The following PLCXD3 variants were observed in gnomAD, a reference collection of about 807,000 sequenced individuals.
The protein encoded by PLCXD3 is PI-PLC X domain-containing protein 3.
In PLCXD3, 19 loss-of-function variants were observed where a neutral mutation model predicts 25.5. The observed-to-expected ratio is 0.75, with a 90% CI of 0.52 to 1.09. The LOEUF (loss-of-function observed/expected upper bound fraction) is 1.09, where lower values mean the gene tolerates loss of function less well. Among genes scored for constraint, PLCXD3 ranks in the 50% least tolerant of loss-of-function variants. The pLI, the probability that PLCXD3 is intolerant of heterozygous loss-of-function variation, is 0.00. For missense variants in PLCXD3, 411 were observed against 388.1 expected, an observed-to-expected ratio of 1.06 and a Z score of -0.50; for synonymous variants, 174 against 137.6, an observed-to-expected ratio of 1.26 and a Z score of -1.85.
intron 1 of PLCXD3, among the ~76,000 whole-genome samples, chr5:41,392,756 G>A (rs929160460): frequency 2.3e-5 from 3 of 128,058 alleles, no homozygotes; most frequent in Admixed American, 8.0e-5. Context: ...GAGATATGTG[G>A]CCTTTCAGAT....
chr5:41,491,299 T>C (rs1414338591), intron 1 of PLCXD3, among the ~76,000 whole-genome samples: 7 of 152,178 alleles, frequency 4.6e-5, no homozygotes, highest in Non-Finnish European at 2.9e-5. Flanking sequence ...GTCTGAGAGA[T>C]AGTTTGTTAT....
intron 2 of PLCXD3, among the ~76,000 whole-genome samples, chr5:41,334,002 G>A (rs1210046777): frequency 6.6e-6 from 1 of 152,026 alleles, no homozygotes; most frequent in African/African-American, 2.4e-5. Flanking sequence ...TATTTATAAA[G>A]CAACCCTTAT....
intron 1 of PLCXD3, among the ~76,000 whole-genome samples, chr5:41,422,495 T>A (rs1205365211): frequency 1.3e-5 from 2 of 151,978 alleles, no homozygotes; most frequent in Non-Finnish European, 2.9e-5. Context: ...AATCTTGGAG[T>A]TTCATTCTTT....
intron 1 of PLCXD3, among the ~76,000 whole-genome samples, chr5:41,462,132 A>G (rs1257433110): frequency 1.3e-5 from 2 of 152,028 alleles, no homozygotes; most frequent in African/African-American, 2.4e-5. Context: ...TGCCATATTC[A>G]GGAAAGCCTA....
At chr5:41,324,721 G>T (rs1743573660) in intron 2 of PLCXD3, among the ~76,000 whole-genome samples, 1 of 152,218 alleles carries the variant, frequency 6.6e-6, no homozygotes, top group Non-Finnish European at 1.5e-5. Flanking sequence ...AACAGATGAA[G>T]TGGCTCTGCT....
intron 1 of PLCXD3, among the ~76,000 whole-genome samples, chr5:41,457,474 T>C (rs1170445614): frequency 1.3e-5 from 2 of 151,856 alleles, no homozygotes; most frequent in Admixed American, 6.6e-5. Flanking sequence ...TCTCAGATGA[T>C]TGGAACCCAG....
chr5:41,362,355 G>A (rs1744808994), intron 2 of PLCXD3, among the ~76,000 whole-genome samples: 1 of 152,174 alleles, frequency 6.6e-6, no homozygotes, highest in Non-Finnish European at 1.5e-5. Context: ...ACTGACACAT[G>A]TTTGAATCCT....
At chr5:41,416,743 G>T (rs1440154927) in intron 1 of PLCXD3, among the ~76,000 whole-genome samples, 1 of 152,204 alleles carries the variant, frequency 6.6e-6, no homozygotes, top group Non-Finnish European at 1.5e-5. Flanking sequence ...GAACATTCAA[G>T]AACCATCATA....
chr5:41,313,913 G>T (rs1222425782), intron 2 of PLCXD3, 143 bp from the exon 3 acceptor site: 2 of 920,714 alleles, frequency 2.2e-6, no homozygotes, highest in East Asian at 2.8e-5. Flanking sequence ...AGGCCAAATG[G>T]ACTCTGGGGA....
chr5:41,505,709 A>G (rs1749040269), intron 1 of PLCXD3, among the ~76,000 whole-genome samples: 1 of 152,222 alleles, frequency 6.6e-6, no homozygotes, highest in Non-Finnish European at 1.5e-5. Context: ...GACTTTAAGG[A>G]AATGAGGGGA....
intron 1 of PLCXD3, among the ~76,000 whole-genome samples, chr5:41,493,804 G>T (rs1283257197): frequency 6.6e-6 from 1 of 152,190 alleles, no homozygotes; most frequent in Non-Finnish European, 1.5e-5. Flanking sequence ...GCAGTATTGG[G>T]GTGGGAGTGA....
chr5:41,330,501 G>A (rs549410027), intron 2 of PLCXD3, among the ~76,000 whole-genome samples: 18,609 of 151,970 alleles, frequency 0.12, 1,229 homozygotes, highest in Non-Finnish European at 0.13. Flanking sequence ...ATTCACAGCC[G>A]AATTCTACCA....
intron 2 of PLCXD3, among the ~76,000 whole-genome samples, chr5:41,345,683 TACACACACACACACAC>T (rs57657516): frequency 6.8e-6 from 1 of 146,034 alleles, no homozygotes; most frequent in East Asian, 2.0e-4. Flanking sequence ...TACATATGTG[TACACACACACACACAC>T]ACACACACAC....
intron 1 of PLCXD3, among the ~76,000 whole-genome samples, chr5:41,502,275 G>T (rs184763714): frequency 1.3e-5 from 2 of 152,226 alleles, no homozygotes; most frequent in East Asian, 1.9e-4. Flanking sequence ...AACTGAGGAA[G>T]ATCTTGTCTG....
At chr5:41,490,070 T>C (rs1748621197) in intron 1 of PLCXD3, among the ~76,000 whole-genome samples, 1 of 152,086 alleles carries the variant, frequency 6.6e-6, no homozygotes, top group Admixed American at 6.5e-5. Flanking sequence ...TGGCTGTGGG[T>C]TTGTCATAGA....
intron 1 of PLCXD3, among the ~76,000 whole-genome samples, chr5:41,390,504 T>G (rs1309246059): frequency 6.6e-6 from 1 of 152,200 alleles, no homozygotes; most frequent in East Asian, 1.9e-4. Context: ...CTCCACATGG[T>G]ACCAATGCTT....
Position 41,325,652 on chromosome 5 carries a change from C to T in PLCXD3, c.813-11882G>A, listed in dbSNP as rs546206016. Among the ~76,000 whole-genome samples the T allele has an allele frequency of 2.6e-5, 4 of 152,216 alleles. No individual in the cohort carries two copies. The East Asian group carries it at 7.7e-4, about 29-fold the overall frequency. On this transcript the variant is annotated intron_variant, in intron 2 of 2. Coordinates refer to ENST00000377801, the MANE Select transcript of PLCXD3 (RefSeq NM_001005473.3). ...ATGTATGATGTACAGCTAATTAGGA[C>T]ATTGCTGGTTATACTTGGTGTTGGA... is the stretch of plus-strand genomic sequence containing the variant.
chr5:41,329,525 C>T (rs908933510), intron 2 of PLCXD3, among the ~76,000 whole-genome samples: 2 of 152,146 alleles, frequency 1.3e-5, no homozygotes, highest in African/African-American at 4.8e-5. Flanking sequence ...ACTCAGTATT[C>T]CTCATGTGGC....
chr5:41,456,548 C>T lies in PLCXD3; in HGVS notation c.103+53876G>A, dbSNP rs567996346. ...CAAGTTCTTAATCTCTAGACTTACC[C>T]ATTTTATTAATGCTGGAAAGTAGAT... On this transcript the variant is annotated intron_variant, in intron 1 of 2. Coordinates refer to ENST00000377801, the MANE Select transcript of PLCXD3 (RefSeq NM_001005473.3). 12 of 941,684 alleles carry T rather than the reference C, an allele frequency of 1.3e-5. No individual in the cohort carries two copies. In the African/African-American group the frequency reaches 1.8e-4, roughly 14 times the overall value. 58.3% of individuals were successfully genotyped at this position (941,684 alleles called of 1,614,324 possible).
Sources: allele counts gnomAD v4.1 joint callset (sites outside exome capture counted in the v4.1 genomes callset), GRCh38; gene constraint gnomAD v4.1.1; transcripts MANE v1.5; gene names NCBI Gene and HGNC (gene_info 2026-07-23, HGNC 2026-07-21).